Variants in PCNX2 observed in about 807,000 individuals in gnomAD.
PCNX2 encodes pecanex-like protein 2.
Under a neutral mutation model 223.8 loss-of-function variants are expected in PCNX2, and 168 were observed. That is an observed-to-expected ratio of 0.75 (90% CI 0.66 to 0.85). The LOEUF (loss-of-function observed/expected upper bound fraction) is 0.85. PCNX2 is among the 40% of genes least tolerant of loss of function. PCNX2 has a pLI of 0.00. For missense variants in PCNX2, 2,507 were observed against 2,675.5 expected, an observed-to-expected ratio of 0.94 and a Z score of 1.39; for synonymous variants, 1,006 against 1,052.6, an observed-to-expected ratio of 0.96 and a Z score of 0.86.
rs182539738 is a variant in PCNX2 at position 233,291,477 on chromosome 1, G to A, written c.153+3849C>T. The stretch of plus-strand genomic sequence containing the variant: ...ATACAAAATTAGCCAGGGTGGTGGC[G>A]CATGCCTGTACTCCCAGCTACTCGG... On this transcript the variant is annotated intron_variant, in intron 1 of 33. Coordinates refer to ENST00000258229, the MANE Select transcript of PCNX2 (RefSeq NM_014801.4). 3.6e-3 allele frequency among the ~76,000 whole-genome samples: 549 copies of A among 152,136 alleles called. 1 individual carries two copies. The highest frequency in any genetic ancestry group is 4.7e-3 in the Non-Finnish European group (318 of 68,002).
At chr1:233,200,546 C>A (rs1197609849) in intron 13 of PCNX2, among the ~76,000 whole-genome samples, 2 of 151,882 alleles carry the variant, frequency 1.3e-5, no homozygotes, top group Non-Finnish European at 2.9e-5. Flanking sequence ...TCTGTGGATA[C>A]AAGGAGCTGA....
At chr1:233,039,465 A>G (rs1397263429) in intron 25 of PCNX2, among the ~76,000 whole-genome samples, 1 of 152,236 alleles carries the variant, frequency 6.6e-6, no homozygotes, top group Non-Finnish European at 1.5e-5. Context: ...TTTTGATAAT[A>G]TAAGTAAAGA....
chr1:233,096,096 T>G (rs2102949007), intron 21 of PCNX2, among the ~76,000 whole-genome samples: 1 of 152,234 alleles, frequency 6.6e-6, no homozygotes, highest in East Asian at 1.9e-4. Flanking sequence ...ACGGATTTAT[T>G]ATTTCAACCT....
Position 232,999,153 on chromosome 1 carries a change from G to C in PCNX2, c.5555C>G (p.Pro1852Arg). The change falls in exon 31 of 34, where the codon CCC becomes CGC. Residue 1852 changes from proline to arginine, a missense_variant. Physicochemically the swap from Pro to Arg is moderately radical, Grantham distance 103. This residue lies in a region of PCNX2 where 1,372 missense variants were observed against 1,509.4 expected (regional missense o/e 0.91). Coordinates refer to ENST00000258229, the MANE Select transcript of PCNX2 (RefSeq NM_014801.4). ...GGTCCTAATTCTGTCCAAAGTGATG[G>C]GTCCACCCCAGATGTTCTTCAGCTG... ...HRQLKNIWGG[P>R]ITLDRIRTWF... 2 of 1,613,648 alleles carry C rather than the reference G, an allele frequency of 1.2e-6. No individual in the cohort carries two copies. The highest frequency in any genetic ancestry group is 2.2e-5 in the South Asian group (2 of 91,048).
intron 1 of PCNX2, among the ~76,000 whole-genome samples, chr1:233,279,388 T>TG (rs1491535189): frequency 2.1e-5 from 3 of 144,184 alleles, no homozygotes; most frequent in Admixed American, 6.8e-5. Context: ...CTAATTTGTG[T>TG]TTGTGTGTGT....
chr1:233,142,121 G>A (rs939074092), intron 19 of PCNX2, among the ~76,000 whole-genome samples: 3 of 152,104 alleles, frequency 2.0e-5, no homozygotes, highest in Non-Finnish European at 4.4e-5. Context: ...TTCTGGAGTA[G>A]ATTTGGAAAT....
At position 233,258,779 on chromosome 1, in the gene PCNX2, A is replaced by G; in HGVS notation, c.1083T>C (p.Thr361=). The G allele has an allele frequency of 6.2e-7, 1 of 1,613,826 alleles. No homozygotes were observed. The highest frequency in any genetic ancestry group is 2.2e-5 in the East Asian group (1 of 44,862). Residue 361 remains threonine, a synonymous_variant, in exon 5 of 34, where the codon ACT becomes ACC. Coordinates refer to ENST00000258229, the MANE Select transcript of PCNX2 (RefSeq NM_014801.4). The stretch of plus-strand genomic sequence containing the variant: ...GACTCAGTGGGTCTCCGGGTTGAGA[A>G]GTATCGATGAGAGTAACAGCTACCT... The part of the protein sequence containing the change: ...DSEVAVTLID[T]SQPGDPLSLH...
chr1:233,044,260 T>C (rs1671748861), intron 25 of PCNX2, among the ~76,000 whole-genome samples: 1 of 151,992 alleles, frequency 6.6e-6, no homozygotes, highest in Non-Finnish European at 1.5e-5. Flanking sequence ...GGATTGTTTG[T>C]TTTTTTCTTG....
intron 4 of PCNX2, 34 bp downstream of exon 4, chr1:233,261,251 T>C: frequency 6.4e-7 from 1 of 1,561,096 alleles, no homozygotes; most frequent in African/African-American, 1.4e-5. Flanking sequence ...CTGAGGATAG[T>C]GCTGTGATAA....
intron 16 of PCNX2, 128 bp downstream of exon 16, chr1:233,178,938 A>T: frequency 1.4e-6 from 1 of 698,500 alleles, no homozygotes; most frequent in Non-Finnish European, 2.3e-6. Flanking sequence ...GTGACCAGCT[A>T]GTTTAATAAT....
At position 233,241,473 on chromosome 1, in the gene PCNX2, T is replaced by C. The variant is rs965804232; in HGVS notation, c.2223-4493A>G. 5 of 787,206 alleles carry C rather than the reference T, an allele frequency of 6.4e-6. No individual in the cohort carries two copies. In the Admixed American group the frequency reaches 2.5e-4, roughly 39 times the overall value. 48.8% of individuals were successfully genotyped at this position (787,206 alleles called of 1,614,324 possible). On this transcript the variant is annotated intron_variant, in intron 8 of 33. Coordinates refer to ENST00000258229, the MANE Select transcript of PCNX2 (RefSeq NM_014801.4). ...TAAGAAAACAAGATAAGAATGACAG[T>C]GAAAGGAGCAAAGAGTAAAAAGTGA...
chr1:233,133,785 A>C (rs1676645502), intron 21 of PCNX2, among the ~76,000 whole-genome samples: 1 of 152,160 alleles, frequency 6.6e-6, no homozygotes, highest in South Asian at 2.1e-4. Context: ...ACTTGAGCCC[A>C]GGAGTTGGAG....
At chr1:233,167,106 A>G (rs543822016) in intron 17 of PCNX2, among the ~76,000 whole-genome samples, 2 of 152,366 alleles carry the variant, frequency 1.3e-5, no homozygotes, top group East Asian at 1.9e-4. Context: ...GTATTGCAGC[A>G]CTGTTCACAA....
chr1:233,091,978 T>C (rs1349736961), intron 22 of PCNX2, among the ~76,000 whole-genome samples: 1 of 152,152 alleles, frequency 6.6e-6, no homozygotes, highest in African/African-American at 2.4e-5. Flanking sequence ...GTGATATCTA[T>C]TATCACCCAT....
intron 28 of PCNX2, among the ~76,000 whole-genome samples, chr1:233,002,777 A>G (rs1670134386): frequency 6.6e-6 from 1 of 152,222 alleles, no homozygotes; most frequent in South Asian, 2.1e-4. Flanking sequence ...ACAGTAACCA[A>G]AACAGCATGG....
At chr1:233,031,772 G>A (rs1253395678) in intron 25 of PCNX2, 1 of 984,104 alleles carries the variant, frequency 1.0e-6, no homozygotes, top group African/African-American at 1.8e-5. Flanking sequence ...TTTGGCTCTT[G>A]GCTGAAAGCA....
In PCNX2 at chr1:232,984,235, G is replaced by A; in HGVS notation, c.*69C>T. 1 of 1,431,994 alleles carries A rather than the reference G, an allele frequency of 7.0e-7. No individual in the cohort carries two copies. The allele number at this position is 1,431,994 out of a possible 1,614,324, so 88.7% of individuals were successfully genotyped here. On this transcript the variant is annotated 3_prime_UTR_variant, in exon 34 of 34. Transcript: ENST00000258229. ...TATTGGTTGGTTGTGGTGATTTGGG[G>A]AGCACGAGGGAGAGCAATGCAGGTG... is the stretch of plus-strand genomic sequence containing the variant.
At chr1:233,135,452 T>C (rs1161898270) in intron 20 of PCNX2, among the ~76,000 whole-genome samples, 1 of 152,212 alleles carries the variant, frequency 6.6e-6, no homozygotes. Flanking sequence ...GCACAGTGTC[T>C]TTGCCATTAC....
chr1:233,152,818 T>G (rs1465131135), intron 19 of PCNX2, among the ~76,000 whole-genome samples: 1 of 152,226 alleles, frequency 6.6e-6, no homozygotes, highest in Non-Finnish European at 1.5e-5. Context: ...AGGAGGAGGA[T>G]GCACTTAGGG....
Sources: allele counts gnomAD v4.1 joint callset (sites outside exome capture counted in the v4.1 genomes callset), GRCh38; gene constraint gnomAD v4.1.1; regional missense constraint gnomAD v4.1.1; transcripts MANE v1.5; gene names NCBI Gene and HGNC (gene_info 2026-07-23, HGNC 2026-07-21).